The following RFK variants were observed in gnomAD, a reference collection of about 807,000 sequenced individuals.
The protein encoded by RFK is 0610038L10Rik.
In RFK, 4 loss-of-function variants were observed where a neutral mutation model predicts 17.6. The ratio of observed to expected loss-of-function variants is 0.23; its 90% CI spans 0.11 to 0.52. The LOEUF (loss-of-function observed/expected upper bound fraction) is 0.52, where lower values mean the gene tolerates loss of function less well. RFK is among the 20% of genes least tolerant of loss of function. The probability of loss-of-function intolerance (pLI) is 0.96; values close to 1 mark genes in which losing one functional copy is unlikely to be tolerated. For missense variants in RFK, 189 were observed against 187.7 expected (o/e 1.01, Z -0.04); for synonymous variants, 59 against 63.8 (o/e 0.92, Z 0.36).
At position 76,385,652 on chromosome 9, in the gene RFK, A is replaced by C. The variant is rs1315400997; in HGVS notation, c.*1747T>G. ...AGATATAGACACAATTAACCCCTAA[A>C]CAACACACTATCTGATTCTCAAAAG... On this transcript the variant is annotated 3_prime_UTR_variant, in exon 4 of 4. Transcript: ENST00000376736. 3 of 152,208 alleles carry C rather than the reference A, an allele frequency of 2.0e-5. No homozygotes were observed. Among genetic ancestry groups the C allele is most frequent in the Non-Finnish European group, 4.4e-5 (3 of 68,040 alleles). 9.4% of individuals were successfully genotyped at this position (152,208 alleles called of 1,614,324 possible).
At chr9:76,392,682 G>A (rs1587392661) in intron 1 of RFK, 113 bp from the exon 2 acceptor site, 3 of 1,008,570 alleles carry the variant, frequency 3.0e-6, no homozygotes, top group East Asian at 5.1e-5. Flanking sequence ...CAAGGCAGGA[G>A]GCTCATGTTG....
intron 2 of RFK, among the ~76,000 whole-genome samples, 186 bp downstream of exon 2, chr9:76,392,229 CCTT>C (rs532097021): frequency 7.2e-4 from 109 of 152,258 alleles, no homozygotes; most frequent in African/African-American, 2.6e-3. Context: ...AGATGTCCCT[CCTT>C]ATCAGAAATT....
At chr9:76,391,592 G>C (rs563495018) in intron 2 of RFK, among the ~76,000 whole-genome samples, 1 of 152,206 alleles carries the variant, frequency 6.6e-6, no homozygotes, top group East Asian at 1.9e-4. Context: ...TATGAAACAG[G>C]CTTTTAAATC....
At chr9:76,391,636 A>G (rs942372860) in intron 2 of RFK, among the ~76,000 whole-genome samples, 1 of 152,244 alleles carries the variant, frequency 6.6e-6, no homozygotes, top group Admixed American at 6.5e-5. Context: ...TCTTTCACAG[A>G]CAGCAATTAT....
Position 76,394,266 on chromosome 9 carries a change from A to T in RFK, c.-95T>A. The T allele has an allele frequency of 1.5e-6, 2 of 1,299,632 alleles. No homozygotes were observed. The highest frequency in any genetic ancestry group is 2.1e-6 in the Non-Finnish European group (2 of 951,682). The allele number at this position is 1,299,632 out of a possible 1,614,324, so 80.5% of individuals were successfully genotyped here. The stretch of plus-strand genomic sequence containing the variant: ...GCCCAGACCCCGGACCAGCCGGGGG[A>T]CAGGAGCGTGAGCTCTGCCTGCCGC... On this transcript the variant is annotated 5_prime_UTR_variant, in exon 1 of 4. Coordinates refer to ENST00000376736, the MANE Select transcript of RFK (RefSeq NM_018339.6).
chr9:76,392,865 C>T (rs1243386597), intron 1 of RFK, among the ~76,000 whole-genome samples: 1 of 152,230 alleles, frequency 6.6e-6, no homozygotes, highest in Admixed American at 6.5e-5. Context: ...CGCACTACCA[C>T]TGCACTCCAG....
At chr9:76,388,976 A>G (rs896181306) in intron 2 of RFK, among the ~76,000 whole-genome samples, 3 of 152,176 alleles carry the variant, frequency 2.0e-5, no homozygotes, top group African/African-American at 7.2e-5. Flanking sequence ...AAAACAGGAC[A>G]CCAAAGAGGG....
chr9:76,394,224 G>A lies in RFK; in HGVS notation c.-53C>T. On this transcript the variant is annotated 5_prime_UTR_variant, in exon 1 of 4. Coordinates refer to ENST00000376736, the MANE Select transcript of RFK (RefSeq NM_018339.6). ...CGGCCCGGTCTGCGCGTCCTGCGGA[G>A]CCGCCGTCGACGCGGCGCCCAGACC... is the stretch of plus-strand genomic sequence containing the variant. The A allele has an allele frequency of 1.3e-6, 2 of 1,527,298 alleles. No homozygotes were observed. Among genetic ancestry groups the A allele is most frequent in the Non-Finnish European group, 1.8e-6 (2 of 1,133,278 alleles). 94.6% of individuals were successfully genotyped at this position (1,527,298 alleles called of 1,614,324 possible). A position where few individuals can be genotyped will look rare whatever the true frequency, so the allele number is the denominator to read the frequency against.
chr9:76,390,556 CG>C (rs1822805543), intron 2 of RFK, among the ~76,000 whole-genome samples: 1 of 151,938 alleles, frequency 6.6e-6, no homozygotes, highest in African/African-American at 2.4e-5. Context: ...CCTAGCTACT[CG>C]GGAGGCTGTG....
chr9:76,392,876 C>G (rs1279065944), intron 1 of RFK, among the ~76,000 whole-genome samples: 1 of 152,172 alleles, frequency 6.6e-6, no homozygotes, highest in Non-Finnish European at 1.5e-5. Flanking sequence ...TGCACTCCAG[C>G]CTGAGTGGCA....
chr9:76,389,778 AT>A (rs560730538), intron 2 of RFK, among the ~76,000 whole-genome samples: 96 of 152,302 alleles, frequency 6.3e-4, no homozygotes, highest in African/African-American at 2.3e-3. Context: ...TCAAAAAAAA[AT>A]TTAAAAATAA....
chr9:76,390,492 C>T (rs1017758235), intron 2 of RFK, among the ~76,000 whole-genome samples: 8 of 151,916 alleles, frequency 5.3e-5, no homozygotes, highest in Non-Finnish European at 7.4e-5. Context: ...GCTGAAATCT[C>T]ATCTCTATAA....
chr9:76,387,570 T>C (rs1446305773), intron 3 of RFK, 41 bp from the exon 4 acceptor site: 12 of 1,575,972 alleles, frequency 7.6e-6, no homozygotes, highest in South Asian at 1.1e-5. Flanking sequence ...TGAAAAACCA[T>C]TAACATACTT....
At chr9:76,389,707 G>A (rs1188369119) in intron 2 of RFK, among the ~76,000 whole-genome samples, 4 of 152,226 alleles carry the variant, frequency 2.6e-5, no homozygotes, top group African/African-American at 9.6e-5. Flanking sequence ...GTTGCAGTGA[G>A]CCAAGATCAC....
rs1822718182 is a variant in RFK, at chr9:76,385,552, G to A, written c.*1847C>T. 6.6e-6 allele frequency: 1 copy of A among 152,140 alleles called. No homozygotes were observed. Among genetic ancestry groups the A allele is most frequent in the South Asian group, 2.1e-4 (1 of 4,830 alleles). 9.4% of individuals were successfully genotyped at this position (152,140 alleles called of 1,614,324 possible). A position where few individuals can be genotyped will look rare whatever the true frequency, so the allele number is the denominator to read the frequency against. On this transcript the variant is annotated 3_prime_UTR_variant, in exon 4 of 4. Transcript: ENST00000376736. ...ATCACTTAGTCAAAATTTATTTCAA[G>A]GCCTGAAAACATTCAGACTAATCAA...
rs780696586 is a variant in RFK, at chr9:76,394,236, G to T, written c.-65C>A. On this transcript the variant is annotated 5_prime_UTR_variant, in exon 1 of 4. Transcript: ENST00000376736. Reference sequence around the variant, plus strand: ...CGCGTCCTGCGGAGCCGCCGTCGACGCGGCGCCCAGACCCCGGACCAGCCG... The same window carrying T: ...CGCGTCCTGCGGAGCCGCCGTCGACTCGGCGCCCAGACCCCGGACCAGCCG... 1.3e-6 allele frequency: 2 copies of T among 1,497,388 alleles called. No individual in the cohort carries two copies. The highest frequency in any genetic ancestry group is 2.5e-5 in the South Asian group (2 of 81,364). The allele number at this position is 1,497,388 out of a possible 1,614,324, so 92.8% of individuals were successfully genotyped here.
chr9:76,387,772 G>A, intron 3 of RFK: 1 of 342,442 alleles, frequency 2.9e-6, no homozygotes. Context: ...AGCTGAGGCG[G>A]GCAGATCACC....
In RFK at chr9:76,388,535, G is replaced by C. The variant is rs770359193; in HGVS notation, c.337+19C>G. On this transcript the variant is annotated intron_variant, in intron 3 of 3. Transcript: ENST00000376736. ...TGGTAGCAGTAGTAGTATTTAAGAA[G>C]ATCAAAATAAGAACTTACCTAAAGA... The C allele has an allele frequency of 6.8e-7, 1 of 1,464,920 alleles. No individual in the cohort carries two copies. The highest frequency in any genetic ancestry group is 9.6e-7 in the Non-Finnish European group (1 of 1,046,328). The allele number at this position is 1,464,920 out of a possible 1,614,324, so 90.7% of individuals were successfully genotyped here.
chr9:76,387,499 A>G lies in RFK; in HGVS notation c.368T>C (p.Ile123Thr), dbSNP rs1822754315. The change falls in exon 4 of 4, where the codon ATT becomes ACT. Residue 123 changes from isoleucine (I) to threonine (T), a missense_variant. Physicochemically the swap from Ile to Thr is moderately conservative, Grantham distance 89. Around this residue, in one of 3 missense-constraint regions of RFK, gnomAD observed 95 missense variants for 95.7 expected, o/e 0.99. Coordinates refer to ENST00000376736, the MANE Select transcript of RFK (RefSeq NM_018339.6). The part of the protein sequence containing the change: ...ESLISAIQGD[I>T]EEAKKRLELP... ...CTCTAGTCGTTTCTTAGCTTCTTCA[A>G]TATCACCTTGAATTGCTGAAATAAG... The G allele has an allele frequency of 1.2e-6, 2 of 1,611,596 alleles. No homozygotes were observed. Among genetic ancestry groups the G allele is most frequent in the Non-Finnish European group, 1.7e-6 (2 of 1,179,480 alleles).
Sources: allele counts gnomAD v4.1 joint callset (sites outside exome capture counted in the v4.1 genomes callset), GRCh38; gene constraint gnomAD v4.1.1; regional missense constraint gnomAD v4.1.1; transcripts MANE v1.5; gene names NCBI Gene and HGNC (gene_info 2026-07-23, HGNC 2026-07-21).